ATOH8: variants seen among roughly 807,000 people sequenced by gnomAD.
The protein encoded by ATOH8 is atonal bHLH transcription factor 8, also known as transcription factor ATOH8.
In ATOH8, 9 loss-of-function variants were observed where a neutral mutation model predicts 21.2. The observed-to-expected ratio is 0.42, with a 90% confidence interval of 0.26 to 0.74. The LOEUF is 0.74. ATOH8 is among the 30% of genes least tolerant of loss of function. The pLI, the probability that ATOH8 is intolerant of heterozygous loss-of-function variation, is 0.24. For synonymous variants in ATOH8, 253 were observed against 224.0 expected, an observed-to-expected ratio of 1.13 and a Z score of -1.16; for missense variants, 524 against 470.9, an observed-to-expected ratio of 1.11 and a Z score of -1.04.
chr2:85,754,591 C>A lies in ATOH8; in HGVS notation c.402C>A (p.Ser134Arg). The A allele has an allele frequency of 2.7e-6, 4 of 1,471,134 alleles. No homozygotes were observed. The highest frequency in any genetic ancestry group is 3.6e-6 in the Non-Finnish European group (4 of 1,119,960). 91.1% of individuals were successfully genotyped at this position (1,471,134 alleles called of 1,614,324 possible). A position where few individuals can be genotyped will look rare whatever the true frequency, so the allele number is the denominator to read the frequency against. Reference protein sequence around the residue: ...PPPPPPPAPQSQAPGGPEAQP... With the variant: ...PPPPPPPAPQRQAPGGPEAQP... ...CGCCGCCGCCTCCTGCGCCCCAGAG[C>A]CAGGCACCTGGGGGCCCAGAGGCAC... is the stretch of plus-strand genomic sequence containing the variant. The change falls in exon 1 of 3, where the codon AGC becomes AGA. Residue 134 changes from serine to arginine, a missense_variant. Transcript: ENST00000306279.
chr2:85,783,898 T>A (rs1680561818), intron 2 of ATOH8, among the ~76,000 whole-genome samples: 2 of 151,576 alleles, frequency 1.3e-5, no homozygotes, highest in Admixed American at 1.3e-4. Context: ...ATCATTGGCA[T>A]CTTTGTCTTC....
chr2:85,754,021 C>T lies in ATOH8; in HGVS notation c.-169C>T. 5.6e-6 allele frequency: 4 copies of T among 716,630 alleles called. No homozygotes were observed. Among genetic ancestry groups the T allele is most frequent in the Non-Finnish European group, 8.3e-6 (4 of 480,310 alleles). 44.4% of individuals were successfully genotyped at this position (716,630 alleles called of 1,614,324 possible). ...ACACTCTGAGCGCTCCGGGAACGGA[C>T]AGCCCGGCGGCTTCCCGAAGCCGGC... On this transcript the variant is annotated 5_prime_UTR_variant, in exon 1 of 3. Coordinates refer to ENST00000306279, the MANE Select transcript of ATOH8 (RefSeq NM_032827.7).
At position 85,789,119 on chromosome 2, in the gene ATOH8, A is replaced by G. The variant is rs944198394; in HGVS notation, c.*2229A>G. Among the ~76,000 whole-genome samples the G allele has an allele frequency of 3.3e-5, 5 of 152,190 alleles. No individual in the cohort carries two copies. The highest frequency in any genetic ancestry group is 1.2e-4 in the African/African-American group (5 of 41,444). On this transcript the variant is annotated 3_prime_UTR_variant, in exon 3 of 3. Transcript: ENST00000306279. ...GACATAGAAGACCATTTCTATTACC[A>G]AAGGGAGTGTACCCCATTCTGCTGC...
chr2:85,779,702 A>T (rs962588357), intron 2 of ATOH8, among the ~76,000 whole-genome samples: 1 of 152,182 alleles, frequency 6.6e-6, no homozygotes, highest in South Asian at 2.1e-4. Flanking sequence ...CATCCTAGCA[A>T]TGTGGCCTAG....
intron 1 of ATOH8, among the ~76,000 whole-genome samples, chr2:85,758,961 C>T (rs751786751): frequency 2.6e-5 from 4 of 152,206 alleles, no homozygotes; most frequent in Non-Finnish European, 5.9e-5. Flanking sequence ...ATGTGGTGTG[C>T]GTGTGGATTT....
At chr2:85,771,884 A>G (rs1680191804) in intron 2 of ATOH8, among the ~76,000 whole-genome samples, 1 of 152,244 alleles carries the variant, frequency 6.6e-6, no homozygotes. Flanking sequence ...GGCCAGGAGA[A>G]GGGCGTAACT....
rs1196783740 is a variant in ATOH8, at chr2:85,790,077, G to T, written c.*3187G>T. 1.3e-5 allele frequency among the ~76,000 whole-genome samples: 2 copies of T among 152,200 alleles called. No individual in the cohort carries two copies. Among genetic ancestry groups the T allele is most frequent in the East Asian group, 3.9e-4 (2 of 5,190 alleles). On this transcript the variant is annotated 3_prime_UTR_variant, in exon 3 of 3. Coordinates refer to ENST00000306279, the MANE Select transcript of ATOH8 (RefSeq NM_032827.7). Reference sequence around the variant, plus strand: ...TTTTATGCAAGCAGCCATTCAAGGAGACCCTCAGCAAAATATAAATGACGA... The same window carrying T: ...TTTTATGCAAGCAGCCATTCAAGGATACCCTCAGCAAAATATAAATGACGA...
chr2:85,767,436 G>A (rs1680045843), intron 2 of ATOH8, among the ~76,000 whole-genome samples: 1 of 151,880 alleles, frequency 6.6e-6, no homozygotes, highest in East Asian at 2.0e-4. Context: ...CTGGGAGGAA[G>A]AGCCCCTCTT....
At position 85,787,218 on chromosome 2, in the gene ATOH8, G is replaced by T; in HGVS notation, c.*328G>T. On this transcript the variant is annotated 3_prime_UTR_variant, in exon 3 of 3. Coordinates refer to ENST00000306279, the MANE Select transcript of ATOH8 (RefSeq NM_032827.7). Reference sequence around the variant, plus strand: ...TGGACAGAGACACCGAAGGAAATGGGGTGGTGAAACCCCACAGCGAAAAGC... The same window carrying T: ...TGGACAGAGACACCGAAGGAAATGGTGTGGTGAAACCCCACAGCGAAAAGC... The T allele has an allele frequency of 2.6e-6, 1 of 388,958 alleles. No individual in the cohort carries two copies. Among genetic ancestry groups the T allele is most frequent in the Non-Finnish European group, 4.6e-6 (1 of 215,416 alleles). The allele number at this position is 388,958 out of a possible 1,614,324, so 24.1% of individuals were successfully genotyped here. A position where few individuals can be genotyped will look rare whatever the true frequency, so the allele number is the denominator to read the frequency against.
intron 1 of ATOH8, among the ~76,000 whole-genome samples, chr2:85,759,157 C>T (rs1040090497): frequency 2.6e-5 from 4 of 152,222 alleles, no homozygotes; most frequent in Non-Finnish European, 5.9e-5. Flanking sequence ...CAGGGTGGCC[C>T]TGGAGAGGGC....
intron 1 of ATOH8, among the ~76,000 whole-genome samples, chr2:85,762,396 C>A: frequency 6.6e-6 from 1 of 152,178 alleles, no homozygotes; most frequent in Non-Finnish European, 1.5e-5. Flanking sequence ...GAGTGAAGAT[C>A]CAGAGGGAGA....
At position 85,789,091 on chromosome 2, in the gene ATOH8, G is replaced by A. The variant is rs995263312; in HGVS notation, c.*2201G>A. Among the ~76,000 whole-genome samples, 1 of 152,280 alleles carries A rather than the reference G, an allele frequency of 6.6e-6. No individual in the cohort carries two copies. Among genetic ancestry groups the A allele is most frequent in the South Asian group, 2.1e-4 (1 of 4,822 alleles). On this transcript the variant is annotated 3_prime_UTR_variant, in exon 3 of 3. Transcript: ENST00000306279. The stretch of plus-strand genomic sequence containing the variant: ...CATGTGGACTGACCAGCATCAAACT[G>A]TTGACATAGAAGACCATTTCTATTA...
chr2:85,757,102 G>T (rs1167571542), intron 1 of ATOH8, among the ~76,000 whole-genome samples: 1 of 152,264 alleles, frequency 6.6e-6, no homozygotes, highest in Non-Finnish European at 1.5e-5. Context: ...CAAATGCATG[G>T]TCACAGAAGC....
At chr2:85,769,326 C>T (rs376086096) in intron 2 of ATOH8, among the ~76,000 whole-genome samples, 4 of 152,230 alleles carry the variant, frequency 2.6e-5, no homozygotes, top group South Asian at 2.1e-4. Context: ...GGAGACAAGA[C>T]GAACCAGAAA....
intron 2 of ATOH8, among the ~76,000 whole-genome samples, chr2:85,772,347 G>A (rs1157264498): frequency 6.6e-6 from 1 of 152,228 alleles, no homozygotes; most frequent in African/African-American, 2.4e-5. Context: ...TCTGCGAGGC[G>A]GGCCTGCTGG....
intron 2 of ATOH8, among the ~76,000 whole-genome samples, chr2:85,786,653 A>C (rs1680628584): frequency 6.6e-6 from 1 of 152,108 alleles, no homozygotes; most frequent in South Asian, 2.1e-4. Context: ...TTCTTTCCCC[A>C]AACCAACCAA....
chr2:85,754,488 G>C lies in ATOH8; in HGVS notation c.299G>C (p.Arg100Pro). 3 of 1,437,986 alleles carry C rather than the reference G, an allele frequency of 2.1e-6. No homozygotes were observed. Among genetic ancestry groups the C allele is most frequent in the Non-Finnish European group, 2.7e-6 (3 of 1,105,066 alleles). The allele number at this position is 1,437,986 out of a possible 1,614,324, so 89.1% of individuals were successfully genotyped here. A position where few individuals can be genotyped will look rare whatever the true frequency, so the allele number is the denominator to read the frequency against. The change falls in exon 1 of 3, where the codon CGG becomes CCG. Residue 100 changes from arginine to proline, a missense_variant. Transcript: ENST00000306279. ...TDTAGERGGSRAPEVSDARKR... is the reference protein window; with the variant it reads ...TDTAGERGGSPAPEVSDARKR... ...ACAGCCGGGGAGCGCGGGGGCTCTC[G>C]GGCGCCCGAGGTCTCCGACGCGCGG...
rs1680692641 is a variant in ATOH8, at chr2:85,788,842, G to A, written c.*1952G>A. 6.6e-6 allele frequency among the ~76,000 whole-genome samples: 1 copy of A among 152,158 alleles called. No individual in the cohort carries two copies. The highest frequency in any genetic ancestry group is 1.5e-5 in the Non-Finnish European group (1 of 68,018). ...AGGACCACAGTGTCCATGCTGTCTT[G>A]GATCCCTAGGCTGGCACAGAAACAG... is the stretch of plus-strand genomic sequence containing the variant. On this transcript the variant is annotated 3_prime_UTR_variant, in exon 3 of 3. Coordinates refer to ENST00000306279, the MANE Select transcript of ATOH8 (RefSeq NM_032827.7).
intron 2 of ATOH8, among the ~76,000 whole-genome samples, chr2:85,777,669 A>T (rs754710008): frequency 6.6e-6 from 1 of 152,198 alleles, no homozygotes; most frequent in African/African-American, 2.4e-5. Flanking sequence ...CACAGAAAAC[A>T]TGTGGCTTCC....
Sources: gnomAD v4.1 joint callset for allele counts (sites outside exome capture counted in the v4.1 genomes callset) on GRCh38, gnomAD v4.1.1 for gene constraint, MANE v1.5 for transcripts, NCBI Gene and HGNC (gene_info 2026-07-23, HGNC 2026-07-21) for gene names.